Variants in ZNF83 observed in about 807,000 individuals in gnomAD.
ZNF83 encodes zinc finger protein 816B.
For synonymous variants in ZNF83, 209 were observed against 213.0 expected (o/e 0.98, Z 0.17); for missense variants, 552 against 629.9 (o/e 0.88, Z 1.32).
chr19:52,630,593 T>C (rs1048774358), intron 2 of ZNF83, among the ~76,000 whole-genome samples: 3 of 152,120 alleles, frequency 2.0e-5, no homozygotes, highest in Non-Finnish European at 2.9e-5. Flanking sequence ...CAGCCGCATC[T>C]CACTGCTGCC....
intron 3 of ZNF83, among the ~76,000 whole-genome samples, chr19:52,649,291 C>A (rs1399448150): frequency 6.6e-6 from 1 of 152,162 alleles, no homozygotes; most frequent in Non-Finnish European, 1.5e-5. Flanking sequence ...GGGAAGCAGG[C>A]AGGCTGGTGG....
chr19:52,676,242 C>T (rs572686323), intron 1 of ZNF83, among the ~76,000 whole-genome samples: 1 of 152,298 alleles, frequency 6.6e-6, no homozygotes, highest in East Asian at 1.9e-4. Context: ...CTCGGCCTCC[C>T]GAGGTGCCGG....
At position 52,683,130 on chromosome 19, in the gene ZNF83, A is replaced by G. The variant is rs577219619; in HGVS notation, c.-283+7313T>C. On this transcript the variant is annotated intron_variant, in intron 1 of 5. Transcript: ENST00000594682. ...AGTGATCCACCCGCCTTGGCCTCCC[A>G]AAGTGCTGGCATTACAGGGGTGAGC... Among the ~76,000 whole-genome samples the G allele has an allele frequency of 6.6e-5, 10 of 152,228 alleles. No homozygotes were observed. The South Asian group carries it at 1.9e-3, about 28-fold the overall frequency.
At chr19:52,614,259 A>G in exon 3 of ZNF83, 1 of 1,614,110 alleles carries the variant, frequency 6.2e-7, no homozygotes, top group Non-Finnish European at 8.5e-7. Context: ...AGCCTTGATG[A>G]AAGGCCTTGC....
intron 2 of ZNF83, among the ~76,000 whole-genome samples, chr19:52,631,217 C>T (rs900965669): frequency 6.6e-6 from 1 of 151,684 alleles, no homozygotes; most frequent in Non-Finnish European, 1.5e-5. Flanking sequence ...GCATAATTCT[C>T]ATAAAAACAC....
At chr19:52,671,107 G>A (rs765650917) in intron 1 of ZNF83, among the ~76,000 whole-genome samples, 7 of 152,086 alleles carry the variant, frequency 4.6e-5, no homozygotes, top group African/African-American at 7.2e-5. Context: ...CCTCACAAAC[G>A]ATACCTTTGA....
At chr19:52,673,990 T>C (rs1010186670) in intron 1 of ZNF83, among the ~76,000 whole-genome samples, 1 of 127,166 alleles carries the variant, frequency 7.9e-6, no homozygotes, top group Non-Finnish European at 1.6e-5. Context: ...CCCTGCAGCC[T>C]GGGTAACAGA....
At chr19:52,688,411 C>T (rs904874297) in intron 1 of ZNF83, among the ~76,000 whole-genome samples, 7 of 151,680 alleles carry the variant, frequency 4.6e-5, no homozygotes, top group African/African-American at 1.7e-4. Flanking sequence ...TGGACTCAAG[C>T]AATCCCCCTG....
At chr19:52,620,282 GTGTGTGTGTGTA>G (rs1012200950) in intron 2 of ZNF83, among the ~76,000 whole-genome samples, 330 of 151,740 alleles carry the variant, frequency 2.2e-3, no homozygotes, top group African/African-American at 7.7e-3. Context: ...GTGTGTGTGT[GTGTGTGTGTGTA>G]TATATAGTTT....
At chr19:52,613,352 C>G in exon 3 of ZNF83, 11 of 1,614,032 alleles carry the variant, frequency 6.8e-6, no homozygotes, top group Non-Finnish European at 9.3e-6. Flanking sequence ...TTGCCACATT[C>G]ATCACATTTG....
At chr19:52,650,449 G>T (rs1176861521) in intron 3 of ZNF83, 1 of 152,096 alleles carries the variant, frequency 6.6e-6, no homozygotes, top group Non-Finnish European at 1.5e-5. Flanking sequence ...TAAAGATGGG[G>T]TTTCTCCATG....
intron 1 of ZNF83, among the ~76,000 whole-genome samples, chr19:52,677,986 G>C (rs2061844835): frequency 6.6e-6 from 1 of 151,904 alleles, no homozygotes; most frequent in Non-Finnish European, 1.5e-5. Flanking sequence ...AGTGAGCCAA[G>C]ATTGCACCAC....
chr19:52,621,243 T>C (rs2060531653), intron 2 of ZNF83, among the ~76,000 whole-genome samples: 1 of 152,212 alleles, frequency 6.6e-6, no homozygotes, highest in African/African-American at 2.4e-5. Context: ...CAATTTCAAA[T>C]TGGGTAAGTG....
intron 1 of ZNF83, among the ~76,000 whole-genome samples, chr19:52,637,593 G>C (rs919566788): frequency 6.6e-6 from 1 of 151,930 alleles, no homozygotes; most frequent in African/African-American, 2.4e-5. Context: ...TTTGCCCTCT[G>C]TTATGGGTCT....
At chr19:52,690,427 A>G in intron 1 of ZNF83, 1 of 178,138 alleles carries the variant, frequency 5.6e-6, no homozygotes, top group South Asian at 1.0e-4. Flanking sequence ...ACTTAATACA[A>G]AACAGCGAAA....
At chr19:52,668,259 T>G (rs1306999218) in intron 1 of ZNF83, among the ~76,000 whole-genome samples, 1 of 152,094 alleles carries the variant, frequency 6.6e-6, no homozygotes, top group Non-Finnish European at 1.5e-5. Context: ...CTGAGACTGC[T>G]GTTCATACAG....
intron 3 of ZNF83, among the ~76,000 whole-genome samples, chr19:52,648,206 A>G (rs1354975779): frequency 1.4e-5 from 2 of 141,316 alleles, no homozygotes; most frequent in African/African-American, 5.3e-5. Context: ...CCCCTCCTCT[A>G]CTTTACCATC....
At chr19:52,664,686 GA>G (rs781737230) in intron 1 of ZNF83, among the ~76,000 whole-genome samples, 25 of 147,296 alleles carry the variant, frequency 1.7e-4, no homozygotes, top group Non-Finnish European at 3.1e-4. Flanking sequence ...GCCAGGAAGG[GA>G]TGCAGATTAA....
At chr19:52,640,471 G>A (rs1325487268), upstream of ZNF83, among the ~76,000 whole-genome samples, 1 of 152,190 alleles carries the variant, frequency 6.6e-6, no homozygotes, top group Non-Finnish European at 1.5e-5. Flanking sequence ...AAGTAACAAT[G>A]ATCCCATGAG....
Sources: gnomAD v4.1 joint callset for allele counts (sites outside exome capture counted in the v4.1 genomes callset) on GRCh38, gnomAD v4.1.1 for gene constraint, MANE v1.5 for transcripts, NCBI Gene and HGNC (gene_info 2026-07-23, HGNC 2026-07-21) for gene names.